Variants in ARHGAP6 observed in about 807,000 individuals in gnomAD.
ARHGAP6 encodes the protein Rho GTPase activating protein 6.
ARHGAP6 carries 16 observed loss-of-function variants against 55.7 expected under a neutral mutation model. The ratio of observed to expected loss-of-function variants is 0.29; its 90% CI spans 0.19 to 0.44. The LOEUF is 0.44. Ranked by LOEUF, ARHGAP6 falls within the 20% of genes least tolerant of loss-of-function variation. The pLI is 1.00. For missense variants in ARHGAP6, 698 were observed against 808.9 expected, an observed-to-expected ratio of 0.86 and a Z score of 1.66; for synonymous variants, 382 against 360.9, an observed-to-expected ratio of 1.06 and a Z score of -0.66.
chrX:11,337,058 C>A (rs957262789), intron 1 of ARHGAP6, among the ~76,000 whole-genome samples: 43 of 110,657 alleles, frequency 3.9e-4, no homozygotes, highest in African/African-American at 1.1e-3. Context: ...TGTCCCCAGG[C>A]TCTTTAATGG....
intron 2 of ARHGAP6, among the ~76,000 whole-genome samples, chrX:11,253,210 C>A (rs780544039): frequency 1.8e-5 from 2 of 111,060 alleles, no homozygotes; most frequent in East Asian, 5.7e-4. Context: ...GCTGCAAAAA[C>A]CAAAAGTATA....
At chrX:11,374,080 T>C (rs1363822844) in intron 1 of ARHGAP6, among the ~76,000 whole-genome samples, 1 of 111,934 alleles carries the variant, frequency 8.9e-6, no homozygotes, top group African/African-American at 3.2e-5. Flanking sequence ...GACATCCCTA[T>C]AGCTAAGCCT....
At chrX:11,190,204 A>T (rs2046435468) in intron 3 of ARHGAP6, among the ~76,000 whole-genome samples, 2 of 111,996 alleles carry the variant, frequency 1.8e-5, no homozygotes. Context: ...GTTCTATCAA[A>T]GCATGCAATT....
At position 11,407,738 on chromosome X, in the gene ARHGAP6, C is replaced by A. The variant is rs775622410; in HGVS notation, c.589-153031G>T. On this transcript the variant is annotated intron_variant, in intron 1 of 12. Transcript: ENST00000337414. ...GTGGTTTTGATTTCCATATCCCTGACTGCTAAAGATTTTGAGCATGTTTTC... is the reference window on the plus strand; with the variant it reads ...GTGGTTTTGATTTCCATATCCCTGAATGCTAAAGATTTTGAGCATGTTTTC... 6.3e-5 allele frequency among the ~76,000 whole-genome samples: 7 copies of A among 111,870 alleles called. No individual in the cohort carries two copies. The East Asian group carries it at 1.7e-3, about 27-fold the overall frequency.
chrX:11,244,534 A>G (rs1011470905), intron 2 of ARHGAP6, among the ~76,000 whole-genome samples: 4 of 112,270 alleles, frequency 3.6e-5, no homozygotes, highest in African/African-American at 1.3e-4. Context: ...CAAATGACCT[A>G]AAAAGGCTGA....
intron 2 of ARHGAP6, among the ~76,000 whole-genome samples, chrX:11,204,570 A>G (rs1343832309): frequency 1.8e-5 from 2 of 111,815 alleles, no homozygotes; most frequent in Non-Finnish European, 3.8e-5. Context: ...TCTTAAACAC[A>G]TATCTGTTTG....
chrX:11,453,210 T>TATATATATATGCTATATATATATACATA (rs2050160363), intron 1 of ARHGAP6, among the ~76,000 whole-genome samples: 2 of 100,215 alleles, frequency 2.0e-5, no homozygotes, highest in African/African-American at 7.2e-5. Flanking sequence ...ATATACATAA[T>TATATATATATGCTATATATATATACATA]ATATATATAT....
chrX:11,480,395 C>T (rs2050444818), intron 1 of ARHGAP6, among the ~76,000 whole-genome samples: 1 of 110,432 alleles, frequency 9.1e-6, no homozygotes, highest in Admixed American at 9.6e-5. Context: ...TAGGCAAGTC[C>T]ACAGAGACAG....
Position 11,273,510 on chromosome X carries a change from G to A in ARHGAP6, c.589-18803C>T, listed in dbSNP as rs776146297. 7.3e-4 allele frequency among the ~76,000 whole-genome samples: 80 copies of A among 110,263 alleles called. 1 individual carries two copies. Among genetic ancestry groups the A allele is most frequent in the Non-Finnish European group, 1.3e-3 (70 of 52,738 alleles). Reference sequence around the variant, plus strand: ...TGTTCAAGTACATAATCGCTTTGTTGACCTTTTGGTAATTTTAACTGTTGT... The same window carrying A: ...TGTTCAAGTACATAATCGCTTTGTTAACCTTTTGGTAATTTTAACTGTTGT... On this transcript the variant is annotated intron_variant, in intron 1 of 12. Transcript: ENST00000337414.
chrX:11,622,902 A>G (rs2052246776), intron 1 of ARHGAP6, among the ~76,000 whole-genome samples: 1 of 111,958 alleles, frequency 8.9e-6, no homozygotes, highest in Admixed American at 9.5e-5. Flanking sequence ...TATAGTAATT[A>G]TCAACAACCT....
chrX:11,406,196 G>A (rs2049606445), intron 1 of ARHGAP6, among the ~76,000 whole-genome samples: 1 of 110,799 alleles, frequency 9.0e-6, no homozygotes, highest in Non-Finnish European at 1.9e-5. Context: ...ACCATGCCCA[G>A]CCGAGAATTG....
In ARHGAP6 at chrX:11,438,154, G is replaced by A. The variant is rs778281474; in HGVS notation, c.589-183447C>T. ...ATACACCGAAAATCTTCTGAAATGG[G>A]TAATCTGCCCACAAGCACCACAGGG... is the stretch of plus-strand genomic sequence containing the variant. On this transcript the variant is annotated intron_variant, in intron 1 of 12. Transcript: ENST00000337414. 2.7e-5 allele frequency among the ~76,000 whole-genome samples: 3 copies of A among 111,948 alleles called. No homozygotes were observed. The East Asian group carries it at 8.4e-4, about 31-fold the overall frequency.
At chrX:11,629,270 A>T (rs1471249290) in intron 1 of ARHGAP6, among the ~76,000 whole-genome samples, 1 of 111,324 alleles carries the variant, frequency 9.0e-6, no homozygotes, top group Non-Finnish European at 1.9e-5. Flanking sequence ...GAGTGTGGTC[A>T]CCCCATCTTA....
chrX:11,599,334 CATA>C (rs942272795), intron 1 of ARHGAP6, among the ~76,000 whole-genome samples: 1 of 111,181 alleles, frequency 9.0e-6, no homozygotes. Context: ...ATAATTGCTC[CATA>C]ATAATTGTAG....
At chrX:11,443,666 C>T (rs183724952) in intron 1 of ARHGAP6, among the ~76,000 whole-genome samples, 4 of 112,578 alleles carry the variant, frequency 3.6e-5, no homozygotes, top group East Asian at 2.8e-4. Context: ...CGGTGGCTCA[C>T]GCCTGTAATC....
chrX:11,636,481 G>T (rs2052421322), intron 1 of ARHGAP6, among the ~76,000 whole-genome samples: 2 of 111,304 alleles, frequency 1.8e-5, no homozygotes, highest in Middle Eastern at 4.6e-3. Flanking sequence ...TGTAGAGCTA[G>T]CAAGATACTA....
chrX:11,471,828 C>G (rs1458294772), intron 1 of ARHGAP6, among the ~76,000 whole-genome samples: 1 of 111,536 alleles, frequency 9.0e-6, no homozygotes, highest in East Asian at 2.8e-4. Context: ...TGAGGCTGAA[C>G]CAGGTCAGCA....
intron 10 of ARHGAP6, among the ~76,000 whole-genome samples, chrX:11,146,978 TAA>T (rs3216377): frequency 1.9e-5 from 2 of 106,894 alleles, no homozygotes; most frequent in Non-Finnish European, 3.9e-5. Flanking sequence ...GCACACCGAT[TAA>T]AAAAAAAAGC....
At chrX:11,184,343 C>T (rs763170390) in intron 5 of ARHGAP6, among the ~76,000 whole-genome samples, 2 of 112,530 alleles carry the variant, frequency 1.8e-5, no homozygotes, top group South Asian at 7.4e-4. Context: ...TTGCCTTGGC[C>T]TCCCAAAGTG....
Sources: allele counts gnomAD v4.1 joint callset (sites outside exome capture counted in the v4.1 genomes callset), GRCh38; gene constraint gnomAD v4.1.1; transcripts MANE v1.5; gene names NCBI Gene and HGNC (gene_info 2026-07-23, HGNC 2026-07-21).